The following SLC4A8 variants were observed in gnomAD, a reference collection of about 807,000 sequenced individuals.
SLC4A8 encodes the protein electroneutral sodium bicarbonate exchanger 1.
SLC4A8 carries 40 observed loss-of-function variants against 125.0 expected under a neutral mutation model. The ratio of observed to expected loss-of-function variants is 0.32; its 90% CI spans 0.25 to 0.42. The LOEUF (loss-of-function observed/expected upper bound fraction) is 0.42. Among genes scored for constraint, SLC4A8 ranks in the 10% least tolerant of loss-of-function variants. The pLI, the probability that SLC4A8 is intolerant of heterozygous loss-of-function variation, is 1.00. For missense variants in SLC4A8, 863 were observed against 1,355.1 expected, an observed-to-expected ratio of 0.64 and a Z score of 5.70; for synonymous variants, 456 against 476.0, an observed-to-expected ratio of 0.96 and a Z score of 0.55.
Position 51,471,527 on chromosome 12 carries a change from C to G in SLC4A8, c.1899C>G (p.Leu633=). 6.2e-7 allele frequency: 1 copy of G among 1,612,802 alleles called. No individual in the cohort carries two copies. The highest frequency in any genetic ancestry group is 1.1e-5 in the South Asian group (1 of 90,892). ...HMHSQLDHLS[L]YYCRCTLPEN... ...ACAGCCAGCTGGACCACCTTAGCCT[C>G]TATTAGTAAGTGTGCTTTCTGCTTA... The change falls in exon 14 of 25, where the codon CTC becomes CTG. Residue 633 remains leucine (L), a synonymous_variant. Coordinates refer to ENST00000453097, the MANE Select transcript of SLC4A8 (RefSeq NM_001039960.3).
chr12:51,471,614 T>C (rs925506088), intron 14 of SLC4A8, 82 bp downstream of exon 14: 2 of 1,470,540 alleles, frequency 1.4e-6, no homozygotes, highest in Admixed American at 2.0e-5. Flanking sequence ...AGGCAGTGCT[T>C]ACAGCTTCTG....
Position 51,452,158 on chromosome 12 carries a change from C to T in SLC4A8, c.312C>T (p.Gly104=), listed in dbSNP as rs1461191819. Reference sequence around the variant, plus strand: ...CTCAGCGTGTTCAGTTCATTCTTGGCACCGAGGAAGATGAAGAGCATGTGC... The same window carrying T: ...CTCAGCGTGTTCAGTTCATTCTTGGTACCGAGGAAGATGAAGAGCATGTGC... ...TPSQRVQFIL[G]TEEDEEHVPH... Residue 104 remains glycine (G), a synonymous_variant, in exon 4 of 25, where the codon GGC becomes GGT. Coordinates refer to ENST00000453097, the MANE Select transcript of SLC4A8 (RefSeq NM_001039960.3). 2 of 1,614,090 alleles carry T rather than the reference C, an allele frequency of 1.2e-6. No individual in the cohort carries two copies. The highest frequency in any genetic ancestry group is 1.7e-6 in the Non-Finnish European group (2 of 1,179,964).
At chr12:51,496,469 C>A (rs1951462204) in intron 21 of SLC4A8, among the ~76,000 whole-genome samples, 1 of 152,090 alleles carries the variant, frequency 6.6e-6, no homozygotes, top group South Asian at 2.1e-4. Flanking sequence ...ATTTATAAAG[C>A]GAGTGTCAGG....
At chr12:51,504,407 T>C (rs1313343146) in intron 23 of SLC4A8, among the ~76,000 whole-genome samples, 1 of 152,250 alleles carries the variant, frequency 6.6e-6, no homozygotes, top group East Asian at 1.9e-4. Flanking sequence ...TACTTATGTG[T>C]TGTCAGTTAA....
At position 51,416,328 on chromosome 12, in the gene SLC4A8, GA is replaced by G. The variant is rs1008957957; in HGVS notation, c.-111-24377del. 7.9e-4 allele frequency among the ~76,000 whole-genome samples: 109 copies of G among 137,492 alleles called. 1 individual carries two copies. Among genetic ancestry groups the G allele is most frequent in the African/African-American group, 2.9e-3 (106 of 36,714 alleles). The allele number at this position is 137,492 out of a possible 152,430, so 90.2% of individuals were successfully genotyped here. ...CCCAACTTTTAATTGTGAAAATTTT[GA>G]AACAAAGAGATGCTAAAACATAAGG... On this transcript the variant is annotated intron_variant, in intron 1 of 24. Transcript: ENST00000358657.
At chr12:51,498,879 CAAA>C (rs1179044009) in intron 22 of SLC4A8, among the ~76,000 whole-genome samples, 1 of 35,900 alleles carries the variant, frequency 2.8e-5, no homozygotes, top group Non-Finnish European at 4.4e-5. Context: ...GATCCTGTCT[CAAA>C]AAAAAAAAAA....
At chr12:51,499,682 T>G (rs1228040921) in intron 22 of SLC4A8, among the ~76,000 whole-genome samples, 1 of 151,644 alleles carries the variant, frequency 6.6e-6, no homozygotes, top group African/African-American at 2.4e-5. Flanking sequence ...GGTAGTGATA[T>G]GTTTTAAGAA....
chr12:51,397,199 A>AT (rs1281672816), intron 1 of SLC4A8, among the ~76,000 whole-genome samples: 3 of 152,146 alleles, frequency 2.0e-5, no homozygotes, highest in African/African-American at 7.2e-5. Context: ...AAGTGCTGGG[A>AT]TTACAGGCGT....
intron 1 of SLC4A8, among the ~76,000 whole-genome samples, chr12:51,406,860 A>G (rs1948498556): frequency 6.6e-6 from 1 of 152,238 alleles, no homozygotes; most frequent in African/African-American, 2.4e-5. Context: ...GCTAATGAGG[A>G]GGAGCCAGGC....
intron 5 of SLC4A8, among the ~76,000 whole-genome samples, chr12:51,456,135 A>G (rs1304933961): frequency 6.6e-6 from 1 of 152,164 alleles, no homozygotes; most frequent in Non-Finnish European, 1.5e-5. Flanking sequence ...CAGTGTCAGT[A>G]AGGGATGGAT....
chr12:51,443,258 G>A lies in SLC4A8; in HGVS notation c.130+2469G>A, dbSNP rs549289323. Reference sequence around the variant, plus strand: ...CACCCCAGCCTCCCAAGTAGCTGGGGCTACAGGCACGTGCCACCATGCCTG... The same window carrying A: ...CACCCCAGCCTCCCAAGTAGCTGGGACTACAGGCACGTGCCACCATGCCTG... On this transcript the variant is annotated intron_variant, in intron 2 of 24. Coordinates refer to ENST00000453097, the MANE Select transcript of SLC4A8 (RefSeq NM_001039960.3). Among the ~76,000 whole-genome samples the A allele has an allele frequency of 3.3e-5, 5 of 152,198 alleles. No homozygotes were observed. In the South Asian group the frequency reaches 1.0e-3, roughly 32 times the overall value.
At chr12:51,490,659 T>C (rs1187385231) in intron 19 of SLC4A8, among the ~76,000 whole-genome samples, 2 of 151,296 alleles carry the variant, frequency 1.3e-5, no homozygotes, top group Non-Finnish European at 2.9e-5. Flanking sequence ...AGTCAGGCCC[T>C]TAGGTGGGAA....
At chr12:51,415,201 C>G (rs906844321) in intron 1 of SLC4A8, among the ~76,000 whole-genome samples, 3 of 151,674 alleles carry the variant, frequency 2.0e-5, no homozygotes, top group Non-Finnish European at 4.4e-5. Flanking sequence ...AGTCAAATAC[C>G]GCAATTACTT....
intron 18 of SLC4A8, among the ~76,000 whole-genome samples, chr12:51,489,398 G>T (rs1049333430): frequency 6.6e-6 from 1 of 152,196 alleles, no homozygotes; most frequent in African/African-American, 2.4e-5. Context: ...TCAAGATGTG[G>T]CAGGGTGTCT....
upstream of SLC4A8, chr12:51,424,688 G>A (rs986089334): frequency 2.3e-6 from 1 of 429,770 alleles, no homozygotes. Flanking sequence ...GGTTTCCAAG[G>A]CAACCGGGCC....
chr12:51,472,232 T>C (rs1950719787), intron 14 of SLC4A8, among the ~76,000 whole-genome samples: 1 of 152,204 alleles, frequency 6.6e-6, no homozygotes, highest in Non-Finnish European at 1.5e-5. Context: ...CTAAAGATCC[T>C]CTTCCCTTAG....
chr12:51,490,054 A>G (rs1024710910), intron 19 of SLC4A8, 103 bp downstream of exon 19: 66 of 1,097,476 alleles, frequency 6.0e-5, no homozygotes, highest in Non-Finnish European at 8.2e-5. Context: ...TTACAAGTAT[A>G]AATCCCTGCC....
chr12:51,481,376 GA>G (rs1306677311), intron 16 of SLC4A8, among the ~76,000 whole-genome samples: 1 of 151,968 alleles, frequency 6.6e-6, no homozygotes, highest in African/African-American at 2.4e-5. Flanking sequence ...CACCCTCCTA[GA>G]AAAGCCTCTG....
chr12:51,501,050 C>T (rs772767511), intron 22 of SLC4A8, among the ~76,000 whole-genome samples: 1 of 152,092 alleles, frequency 6.6e-6, no homozygotes, highest in East Asian at 1.9e-4. Context: ...AGGATGGTCT[C>T]GATCTCCTGA....
Sources: allele counts gnomAD v4.1 joint callset (sites outside exome capture counted in the v4.1 genomes callset), GRCh38; gene constraint gnomAD v4.1.1; transcripts MANE v1.5; gene names NCBI Gene and HGNC (gene_info 2026-07-23, HGNC 2026-07-21).